RBPMS: variants seen among roughly 807,000 people sequenced by gnomAD.
The protein encoded by RBPMS is RNA-binding protein with multiple splicing.
In RBPMS, 7 loss-of-function variants were observed where a neutral mutation model predicts 26.8. That is an observed-to-expected ratio of 0.26 (90% CI 0.15 to 0.49). The LOEUF (loss-of-function observed/expected upper bound fraction) is 0.49, where lower values mean the gene tolerates loss of function less well. Ranked by LOEUF, RBPMS falls within the 20% of genes least tolerant of loss-of-function variation. The probability of loss-of-function intolerance (pLI) is 0.98; values close to 1 mark genes in which losing one functional copy is unlikely to be tolerated. For synonymous variants in RBPMS, 96 were observed against 93.3 expected (o/e 1.03, Z -0.17); for missense variants, 186 against 250.0 (o/e 0.74, Z 1.73).
intron 4 of RBPMS, among the ~76,000 whole-genome samples, chr8:30,496,472 T>C (rs1298502671): frequency 6.6e-6 from 1 of 152,096 alleles, no homozygotes; most frequent in Non-Finnish European, 1.5e-5. Flanking sequence ...CCGGCCACCC[T>C]CACTCATTTC....
At chr8:30,451,022 T>G (rs955884610) in intron 1 of RBPMS, among the ~76,000 whole-genome samples, 20 of 152,094 alleles carry the variant, frequency 1.3e-4, no homozygotes, top group African/African-American at 4.6e-4. Flanking sequence ...AATAGACTCC[T>G]TGAAAAGCCC....
At chr8:30,563,125 C>T (rs1827633158) in intron 7 of RBPMS, among the ~76,000 whole-genome samples, 1 of 152,184 alleles carries the variant, frequency 6.6e-6, no homozygotes, top group African/African-American at 2.4e-5. Flanking sequence ...AAGCTGAGGG[C>T]ATGTACAGGC....
chr8:30,504,528 C>T, intron 5 of RBPMS, 92 bp downstream of exon 5: 1 of 1,296,696 alleles, frequency 7.7e-7, no homozygotes, highest in Non-Finnish European at 1.1e-6. Context: ...ATGGAGCTGG[C>T]TGAGTCTTAT....
chr8:30,408,444 G>T (rs1242477126), intron 1 of RBPMS, among the ~76,000 whole-genome samples: 1 of 152,192 alleles, frequency 6.6e-6, no homozygotes, highest in Non-Finnish European at 1.5e-5. Flanking sequence ...CAGGAGAATC[G>T]CTTGAATCCA....
chr8:30,423,588 T>C (rs1277434300), intron 1 of RBPMS, among the ~76,000 whole-genome samples: 1 of 151,892 alleles, frequency 6.6e-6, no homozygotes, highest in Non-Finnish European at 1.5e-5. Context: ...AGTTATTTAT[T>C]TCTGCTTGTG....
chr8:30,547,414 C>G, intron 6 of RBPMS: 1 of 1,593,928 alleles, frequency 6.3e-7, no homozygotes, highest in Non-Finnish European at 8.5e-7. Context: ...AGAGGGAGCT[C>G]CCATGTTGAA....
chr8:30,408,496 T>A (rs1808914787), intron 1 of RBPMS, among the ~76,000 whole-genome samples: 1 of 152,116 alleles, frequency 6.6e-6, no homozygotes, highest in African/African-American at 2.4e-5. Flanking sequence ...ACCACTACAT[T>A]CCAGCCTGGG....
intron 1 of RBPMS, chr8:30,453,663 T>G (rs1277759591): frequency 6.6e-6 from 1 of 152,072 alleles, no homozygotes; most frequent in Non-Finnish European, 1.5e-5. Flanking sequence ...TACAAAAGGG[T>G]CTAATTTTTC....
At chr8:30,495,830 A>G (rs911103943) in intron 4 of RBPMS, among the ~76,000 whole-genome samples, 2 of 152,164 alleles carry the variant, frequency 1.3e-5, no homozygotes, top group Admixed American at 1.3e-4. Context: ...TCACAATGCA[A>G]ACTGAACAAC....
At chr8:30,415,627 AG>A (rs1470819787) in intron 1 of RBPMS, among the ~76,000 whole-genome samples, 1 of 152,216 alleles carries the variant, frequency 6.6e-6, no homozygotes, top group Non-Finnish European at 1.5e-5. Flanking sequence ...AGGAAACTCA[AG>A]AGTCTTGGAT....
At chr8:30,427,474 C>G (rs1811481752) in intron 1 of RBPMS, among the ~76,000 whole-genome samples, 2 of 152,184 alleles carry the variant, frequency 1.3e-5, no homozygotes, top group Non-Finnish European at 2.9e-5. Flanking sequence ...CCTGGAATGC[C>G]CTTCCATTCT....
At chr8:30,458,813 T>C (rs1815545135) in intron 1 of RBPMS, among the ~76,000 whole-genome samples, 1 of 152,128 alleles carries the variant, frequency 6.6e-6, no homozygotes, top group South Asian at 2.1e-4. Flanking sequence ...CTGGGCTCAG[T>C]TGATCCTCCT....
intron 1 of RBPMS, among the ~76,000 whole-genome samples, chr8:30,392,750 T>C (rs1807928526): frequency 6.6e-6 from 1 of 152,130 alleles, no homozygotes; most frequent in Non-Finnish European, 1.5e-5. Flanking sequence ...TAGCAGCCTT[T>C]TGGGTTTCTC....
chr8:30,503,064 T>G (rs559069366), intron 4 of RBPMS, among the ~76,000 whole-genome samples: 2 of 152,116 alleles, frequency 1.3e-5, no homozygotes, highest in South Asian at 4.2e-4. Context: ...CTCCAAGACT[T>G]CTGGGTCAGG....
chr8:30,558,081 C>T (rs1240591823), intron 6 of RBPMS: 1 of 152,208 alleles, frequency 6.6e-6, no homozygotes, highest in African/African-American at 2.4e-5. Context: ...TCAGGCTGGT[C>T]TTGAACTCCT....
chr8:30,496,173 C>CTTT (rs34079966), intron 4 of RBPMS, among the ~76,000 whole-genome samples: 9 of 144,940 alleles, frequency 6.2e-5, no homozygotes, highest in African/African-American at 1.0e-4. Flanking sequence ...TTGCGCATTT[C>CTTT]TTTTTTTTTT....
chr8:30,541,084 T>C (rs920973430), intron 5 of RBPMS, among the ~76,000 whole-genome samples: 3 of 152,212 alleles, frequency 2.0e-5, no homozygotes, highest in African/African-American at 7.2e-5. Context: ...CCAACTAAAC[T>C]CAGAGATACA....
In RBPMS at chr8:30,480,238, A is replaced by G. The variant is rs531482801; in HGVS notation, c.246+861A>G. Reference sequence around the variant, plus strand: ...TTCCTACAAGGCAAGCGGCCACTTGACTGGTTGTAATACAGGTACCATTTT... The same window carrying G: ...TTCCTACAAGGCAAGCGGCCACTTGGCTGGTTGTAATACAGGTACCATTTT... On this transcript the variant is annotated intron_variant, in intron 4 of 8. Transcript: ENST00000397323. 1.8e-4 allele frequency among the ~76,000 whole-genome samples: 28 copies of G among 152,230 alleles called. No individual in the cohort carries two copies. In the South Asian group the frequency reaches 5.8e-3, roughly 32 times the overall value.
intron 4 of RBPMS, among the ~76,000 whole-genome samples, chr8:30,482,996 G>A (rs533655617): frequency 4.6e-5 from 7 of 152,264 alleles, no homozygotes; most frequent in South Asian, 2.1e-4. Context: ...AGGAAGCAGC[G>A]CATGTTGAAG....
Sources: gnomAD v4.1 joint callset for allele counts (sites outside exome capture counted in the v4.1 genomes callset) on GRCh38, gnomAD v4.1.1 for gene constraint, MANE v1.5 for transcripts, NCBI Gene and HGNC (gene_info 2026-07-23, HGNC 2026-07-21) for gene names.